MBD5: variants seen among roughly 807,000 people sequenced by gnomAD.
MBD5 encodes the protein methyl-CpG-binding domain protein 5.
MBD5 carries 13 observed loss-of-function variants against 117.3 expected under a neutral mutation model. The observed-to-expected ratio is 0.11, with a 90% CI of 0.07 to 0.18. The LOEUF is 0.18. MBD5 is among the 10% of genes least tolerant of loss of function. The pLI is 1.00. For missense variants in MBD5, 1,879 were observed against 2,093.8 expected (o/e 0.90, Z 2.00); for synonymous variants, 727 against 766.4 (o/e 0.95, Z 0.85).
At chr2:148,094,622 G>A (rs80179114) in intron 1 of MBD5, among the ~76,000 whole-genome samples, 2 of 152,220 alleles carry the variant, frequency 1.3e-5, no homozygotes, top group Non-Finnish European at 2.9e-5. Context: ...AATGAATGAA[G>A]CCAGGGTGTT....
chr2:148,432,770 C>A (rs1346899221), intron 4 of MBD5, among the ~76,000 whole-genome samples: 1 of 152,078 alleles, frequency 6.6e-6, no homozygotes, highest in African/African-American at 2.4e-5. Context: ...GTTACTGTAG[C>A]CTCGTAGTAT....
chr2:148,351,936 G>T (rs1163911011), intron 4 of MBD5, among the ~76,000 whole-genome samples: 1 of 151,550 alleles, frequency 6.6e-6, no homozygotes, highest in Non-Finnish European at 1.5e-5. Context: ...TTAGTGTAGA[G>T]ATCCTCTCTG....
In MBD5 at chr2:148,386,925, T is replaced by G. The variant is rs1704389179; in HGVS notation, c.-557+44589T>G. ...AATCAAATATTTAATTAAAAACTTG[T>G]AACTAAAAAATAAAAAGCTTCAGGC... On this transcript the variant is annotated intron_variant, in intron 4 of 13. Transcript: ENST00000642680. Among the ~76,000 whole-genome samples the G allele has an allele frequency of 2.6e-5, 4 of 152,024 alleles. No individual in the cohort carries two copies. In the South Asian group the frequency reaches 8.3e-4, roughly 31 times the overall value.
At chr2:148,036,791 T>G (rs1694206963) in intron 1 of MBD5, among the ~76,000 whole-genome samples, 1 of 152,074 alleles carries the variant, frequency 6.6e-6, no homozygotes, top group Non-Finnish European at 1.5e-5. Flanking sequence ...TGAACAGCAC[T>G]AGATTTATAA....
chr2:148,384,443 T>G (rs1047251744), intron 4 of MBD5, among the ~76,000 whole-genome samples: 4 of 152,100 alleles, frequency 2.6e-5, no homozygotes, highest in Non-Finnish European at 4.4e-5. Context: ...TACAAACCAC[T>G]GCTCAATGAA....
chr2:148,160,429 G>A (rs968122423), intron 1 of MBD5, among the ~76,000 whole-genome samples: 4 of 152,058 alleles, frequency 2.6e-5, no homozygotes, highest in Non-Finnish European at 4.4e-5. Context: ...TTATTTTGGT[G>A]TGGTATATAA....
chr2:148,237,191 T>C (rs1160959244), intron 3 of MBD5, among the ~76,000 whole-genome samples: 1 of 152,238 alleles, frequency 6.6e-6, no homozygotes, highest in Admixed American at 6.5e-5. Flanking sequence ...AGGCTGTTTT[T>C]CTTTCTTATC....
chr2:148,150,427 CT>C (rs1367038085), intron 1 of MBD5, among the ~76,000 whole-genome samples: 1 of 151,990 alleles, frequency 6.6e-6, no homozygotes, highest in Non-Finnish European at 1.5e-5. Context: ...GATGCAGGCT[CT>C]TTTTTGGTTC....
At chr2:148,446,362 T>G (rs1335671713) in intron 4 of MBD5, among the ~76,000 whole-genome samples, 2 of 152,026 alleles carry the variant, frequency 1.3e-5, no homozygotes, top group African/African-American at 4.8e-5. Flanking sequence ...CCCTAGTTTT[T>G]CTAATAATGA....
chr2:148,239,799 C>T (rs1324359081), intron 3 of MBD5, among the ~76,000 whole-genome samples: 1 of 151,932 alleles, frequency 6.6e-6, no homozygotes, highest in Non-Finnish European at 1.5e-5. Context: ...CCTTAACCTC[C>T]TGATCCTCCC....
intron 3 of MBD5, among the ~76,000 whole-genome samples, chr2:148,322,994 A>G (rs2602356): frequency 3.3e-4 from 43 of 129,170 alleles, no homozygotes; most frequent in African/African-American, 1.1e-3. Context: ...ATCCCTCCCC[A>G]CTCCCCCAAC....
chr2:148,412,334 TAGAG>T (rs1019478803), intron 4 of MBD5, among the ~76,000 whole-genome samples: 12 of 150,316 alleles, frequency 8.0e-5, no homozygotes, highest in Non-Finnish European at 3.0e-5. Flanking sequence ...TGTATATATA[TAGAG>T]AGAGAGACAG....
At chr2:148,203,750 A>C (rs1699201970) in intron 2 of MBD5, among the ~76,000 whole-genome samples, 1 of 152,076 alleles carries the variant, frequency 6.6e-6, no homozygotes, top group African/African-American at 2.4e-5. Flanking sequence ...GAGTCTAGCA[A>C]GATTCTGCTG....
chr2:148,271,400 G>A (rs572682736), intron 3 of MBD5, among the ~76,000 whole-genome samples: 13 of 152,250 alleles, frequency 8.5e-5, no homozygotes, highest in African/African-American at 3.1e-4. Flanking sequence ...ACTTTTGAAT[G>A]TTTGATTTAT....
intron 1 of MBD5, among the ~76,000 whole-genome samples, chr2:148,085,790 A>T (rs971216051): frequency 2.0e-5 from 3 of 152,230 alleles, no homozygotes; most frequent in African/African-American, 7.2e-5. Context: ...ATCATGAACC[A>T]TCCATATAAA....
At chr2:148,395,578 C>T (rs980426766) in intron 4 of MBD5, among the ~76,000 whole-genome samples, 3 of 152,046 alleles carry the variant, frequency 2.0e-5, no homozygotes, top group African/African-American at 2.4e-5. Context: ...GCATGCACCA[C>T]CACACCCGGC....
intron 8 of MBD5, among the ~76,000 whole-genome samples, chr2:148,480,924 A>C (rs924219206): frequency 6.6e-6 from 1 of 152,174 alleles, no homozygotes; most frequent in Non-Finnish European, 1.5e-5. Context: ...AATCCTTGCT[A>C]TAGGGATGTT....
chr2:148,043,724 A>G (rs1558900142), intron 1 of MBD5, among the ~76,000 whole-genome samples: 2 of 152,184 alleles, frequency 1.3e-5, no homozygotes, highest in Non-Finnish European at 2.9e-5. Flanking sequence ...GTAAAGAAAG[A>G]TATTTGTGCT....
chr2:148,239,032 G>A (rs931542192), intron 3 of MBD5, among the ~76,000 whole-genome samples: 13 of 113,380 alleles, frequency 1.1e-4, no homozygotes, highest in Non-Finnish European at 2.4e-4. Flanking sequence ...ACACACACAC[G>A]TGTGTGTGTA....
Sources: allele counts gnomAD v4.1 joint callset (sites outside exome capture counted in the v4.1 genomes callset), GRCh38; gene constraint gnomAD v4.1.1; transcripts MANE v1.5; gene names NCBI Gene and HGNC (gene_info 2026-07-23, HGNC 2026-07-21).